The following HNRNPAB variants were observed in gnomAD, a reference collection of about 807,000 sequenced individuals.
The protein encoded by HNRNPAB is ABBP-1.
A neutral mutation model predicts 44.1 loss-of-function variants in HNRNPAB; 17 were observed. The observed-to-expected ratio is 0.39, with a 90% CI of 0.26 to 0.58. The LOEUF (loss-of-function observed/expected upper bound fraction) is 0.58, where lower values mean the gene tolerates loss of function less well. Ranked by LOEUF, HNRNPAB falls within the 20% of genes least tolerant of loss-of-function variation. HNRNPAB has a pLI of 0.63. For synonymous variants in HNRNPAB, 183 were observed against 167.6 expected, an observed-to-expected ratio of 1.09 and a Z score of -0.71; for missense variants, 393 against 432.7, an observed-to-expected ratio of 0.91 and a Z score of 0.81.
In HNRNPAB at chr5:178,209,388, G is replaced by C. The variant is rs140970268; in HGVS notation, c.728G>C (p.Gly243Ala). Reference sequence around the variant, plus strand: ...TATCAGCAGCAGCAGTATGGCTCTGGGGGCCGTGGAAACCGCAACCGAGGG... The same window carrying C: ...TATCAGCAGCAGCAGTATGGCTCTGCGGGCCGTGGAAACCGCAACCGAGGG... Reference protein sequence around the residue: ...EVYQQQQYGSGGRGNRNRGNR... With the variant: ...EVYQQQQYGSAGRGNRNRGNR... The change falls in exon 6 of 8, where the codon GGG (glycine) becomes GCG (alanine). Residue 243 changes from glycine (G) to alanine (A), a missense_variant. Physicochemically the swap from Gly to Ala is moderately conservative, Grantham distance 60 (BLOSUM62 0). Transcript: ENST00000358344. The C allele has an allele frequency of 2.5e-6, 4 of 1,614,096 alleles. No individual in the cohort carries two copies. In the African/African-American group the frequency reaches 5.3e-5, roughly 22 times the overall value.
rs1487224010 is a variant in HNRNPAB at position 178,210,701 on chromosome 5, T to C, written c.*78T>C. On this transcript the variant is annotated 3_prime_UTR_variant, in exon 8 of 8. Coordinates refer to ENST00000358344, the MANE Select transcript of HNRNPAB (RefSeq NM_031266.3). ...AGTGAACACAATTATGTACCAAATT[T>C]AACTTGGCAAACTTTCTATTGCCTG... 1 of 1,166,958 alleles carries C rather than the reference T, an allele frequency of 8.6e-7. No individual in the cohort carries two copies. Among genetic ancestry groups the C allele is most frequent in the African/African-American group, 1.5e-5 (1 of 66,020 alleles). 72.3% of individuals were successfully genotyped at this position (1,166,958 alleles called of 1,614,324 possible). A position where few individuals can be genotyped will look rare whatever the true frequency, so the allele number is the denominator to read the frequency against.
In HNRNPAB at chr5:178,204,813, AG is replaced by A. The variant is rs1581155221; in HGVS notation, c.-23del. Reference sequence around the variant, plus strand: ...CTGACGCGCTGTCGCCGCTGGTTGCAGGAGCCGCCGCGCCTCGGCCTAGCAT... The same window carrying A: ...CTGACGCGCTGTCGCCGCTGGTTGCAGAGCCGCCGCGCCTCGGCCTAGCAT... On this transcript the variant is annotated splice_acceptor_variant, in intron 1 of 7. Transcript: ENST00000358344. LOFTEE classifies it low-confidence loss of function (5UTR_SPLICE). The A allele has an allele frequency of 1.2e-5, 15 of 1,209,240 alleles. No homozygotes were observed. In the East Asian group the frequency reaches 5.1e-4, roughly 41 times the overall value. The allele number at this position is 1,209,240 out of a possible 1,614,324, so 74.9% of individuals were successfully genotyped here. A position where few individuals can be genotyped will look rare whatever the true frequency, so the allele number is the denominator to read the frequency against.
intron 6 of HNRNPAB, among the ~76,000 whole-genome samples, 189 bp from the exon 7 acceptor site, chr5:178,209,943 T>C (rs1165822371): frequency 2.6e-5 from 4 of 151,800 alleles, no homozygotes; most frequent in Non-Finnish European, 5.9e-5. Context: ...TCCTGGTCTC[T>C]GATCCTCTGC....
chr5:178,210,507 GC>G, intron 7 of HNRNPAB, 45 bp from the exon 8 acceptor site: 1 of 1,582,332 alleles, frequency 6.3e-7, no homozygotes, highest in Non-Finnish European at 8.7e-7. Context: ...GTGGCACAGG[GC>G]AAATGCTTGT....
chr5:178,206,416 C>T (rs943980367), intron 3 of HNRNPAB, among the ~76,000 whole-genome samples: 2 of 152,156 alleles, frequency 1.3e-5, no homozygotes, highest in Middle Eastern at 3.2e-3. Flanking sequence ...GGGAGGATTC[C>T]TTCCCCTGTG....
intron 6 of HNRNPAB, 147 bp from the exon 7 acceptor site, chr5:178,209,985 G>A: frequency 9.7e-7 from 1 of 1,033,850 alleles, no homozygotes; most frequent in African/African-American, 2.4e-5. Flanking sequence ...TTGGGCCCAG[G>A]GCCCTTATAC....
In HNRNPAB at chr5:178,207,290, G is replaced by T. The variant is rs1757109896; in HGVS notation, c.669+65G>T. On this transcript the variant is annotated intron_variant, in intron 5 of 7. Coordinates refer to ENST00000358344, the MANE Select transcript of HNRNPAB (RefSeq NM_031266.3). ...GGAGAGCTGGCCCTTAGAGGGATGG[G>T]TTAGGGGTTGGGCCTCATGCAGGAG... 3.1e-6 allele frequency: 5 copies of T among 1,588,856 alleles called. No homozygotes were observed. In the South Asian group the frequency reaches 5.7e-5, roughly 18 times the overall value.
At chr5:178,207,291 T>A (rs1757110026) in intron 5 of HNRNPAB, 66 bp downstream of exon 5, 1 of 1,588,462 alleles carries the variant, frequency 6.3e-7, no homozygotes, top group South Asian at 1.1e-5. Flanking sequence ...GAGGGATGGG[T>A]TAGGGGTTGG....
chr5:178,207,045 C>T, intron 4 of HNRNPAB, 49 bp from the exon 5 acceptor site: 2 of 1,608,952 alleles, frequency 1.2e-6, no homozygotes, highest in Non-Finnish European at 1.7e-6. Context: ...CCCCTATATG[C>T]TCTGGGGTAG....
chr5:178,206,989 T>G (rs960585471), intron 4 of HNRNPAB, 99 bp downstream of exon 4: 5 of 1,585,726 alleles, frequency 3.2e-6, no homozygotes, highest in Non-Finnish European at 4.3e-6. Context: ...CAGGCAGGGC[T>G]TATTTTTCAC....
intron 5 of HNRNPAB, among the ~76,000 whole-genome samples, chr5:178,207,868 CAT>C (rs1195259275): frequency 6.6e-6 from 1 of 151,920 alleles, no homozygotes; most frequent in Non-Finnish European, 1.5e-5. Context: ...ATGCCTGGCT[CAT>C]ATGTTTTTTT....
rs1356230001 is a variant in HNRNPAB at position 178,207,172 on chromosome 5, G to C, written c.616G>C (p.Glu206Gln). The change falls in exon 5 of 8, where the codon GAA becomes CAA. Residue 206 changes from glutamate to glutamine, a missense_variant. Transcript: ENST00000358344. Reference protein sequence around the residue: ...GFVFITFKEEEPVKKVLEKKF... With the variant: ...GFVFITFKEEQPVKKVLEKKF... ...TGTGTTTATCACCTTTAAAGAAGAA[G>C]AACCCGTGAAGAAGGTTCTGGAGAA... is the stretch of plus-strand genomic sequence containing the variant. 9 of 1,614,168 alleles carry C rather than the reference G, an allele frequency of 5.6e-6. No homozygotes were observed. The highest frequency in any genetic ancestry group is 1.6e-4 in the Middle Eastern group (1 of 6,062).
At chr5:178,209,128 A>T (rs1292184644) in intron 5 of HNRNPAB, among the ~76,000 whole-genome samples, 1 of 152,140 alleles carries the variant, frequency 6.6e-6, no homozygotes, top group African/African-American at 2.4e-5. Flanking sequence ...ATTCTGTCGG[A>T]AGGGTTCTCT....
rs1457319686 is a variant in HNRNPAB at position 178,204,925 on chromosome 5, G to C, written c.88G>C (p.Ala30Pro). 6.6e-6 allele frequency: 8 copies of C among 1,210,684 alleles called. No homozygotes were observed. Among genetic ancestry groups the C allele is most frequent in the Admixed American group, 8.7e-5 (2 of 22,924 alleles). 75.0% of individuals were successfully genotyped at this position (1,210,684 alleles called of 1,614,324 possible). ...HEAVPEGESP[A>P]GAGTGAAAGA... ...GGCCGTCCCCGAAGGCGAGTCGCCG[G>C]CCGGGGCTGGCACGGGCGCCGCGGC... The change falls in exon 2 of 8, where the codon GCC becomes CCC. Residue 30 changes from alanine (A) to proline (P), a missense_variant. Physicochemically the swap from Ala to Pro is conservative, Grantham distance 27. Coordinates refer to ENST00000358344, the MANE Select transcript of HNRNPAB (RefSeq NM_031266.3).
chr5:178,210,123 C>T lies in HNRNPAB; in HGVS notation c.788-9C>T. The T allele has an allele frequency of 1.9e-6, 3 of 1,613,896 alleles. No individual in the cohort carries two copies. The highest frequency in any genetic ancestry group is 2.5e-6 in the Non-Finnish European group (3 of 1,179,922). On this transcript the variant is annotated splice_polypyrimidine_tract_variant and intron_variant, in intron 6 of 7. Transcript: ENST00000358344. Reference sequence around the variant, plus strand: ...GTCCACGGGCCCCTGTGCCCTGCTCCCCCCACAGGTCAGAGTCAGAGTTGG... The same window carrying T: ...GTCCACGGGCCCCTGTGCCCTGCTCTCCCCACAGGTCAGAGTCAGAGTTGG...
At chr5:178,209,940 C>T (rs994326711) in intron 6 of HNRNPAB, among the ~76,000 whole-genome samples, 192 bp from the exon 7 acceptor site, 2 of 151,888 alleles carry the variant, frequency 1.3e-5, no homozygotes, top group African/African-American at 4.8e-5. Flanking sequence ...GCATCCTGGT[C>T]TCTGATCCTC....
rs1407752601 is a variant in HNRNPAB, at chr5:178,205,586, A to G, written c.210-256A>G. 3 of 420,882 alleles carry G rather than the reference A, an allele frequency of 7.1e-6. No individual in the cohort carries two copies. In the East Asian group the frequency reaches 1.2e-4, roughly 16 times the overall value. 26.1% of individuals were successfully genotyped at this position (420,882 alleles called of 1,614,324 possible). Reference sequence around the variant, plus strand: ...CATGAATTTCCAGTTATGAGTGGTTAGGTCCCATACCCCTGGTGAGGTGGT... The same window carrying G: ...CATGAATTTCCAGTTATGAGTGGTTGGGTCCCATACCCCTGGTGAGGTGGT... On this transcript the variant is annotated intron_variant, in intron 2 of 7. Coordinates refer to ENST00000358344, the MANE Select transcript of HNRNPAB (RefSeq NM_031266.3).
Position 178,210,907 on chromosome 5 carries a change from T to C in HNRNPAB, c.*284T>C. The C allele has an allele frequency of 2.0e-6, 1 of 493,904 alleles. No individual in the cohort carries two copies. The highest frequency in any genetic ancestry group is 2.5e-5 in the South Asian group (1 of 40,816). The allele number at this position is 493,904 out of a possible 1,614,324, so 30.6% of individuals were successfully genotyped here. A position where few individuals can be genotyped will look rare whatever the true frequency, so the allele number is the denominator to read the frequency against. On this transcript the variant is annotated 3_prime_UTR_variant, in exon 8 of 8. Transcript: ENST00000358344. ...GAGGCTCTGCTTCCTGCTGCCGCTC[T>C]GCAGCCTGGACCTGTGGACCCTGGT...
At position 178,209,424 on chromosome 5, in the gene HNRNPAB, G is replaced by A. The variant is rs371554188; in HGVS notation, c.764G>A (p.Ser255Asn). The A allele has an allele frequency of 1.9e-6, 3 of 1,614,186 alleles. No homozygotes were observed. The highest frequency in any genetic ancestry group is 2.5e-6 in the Non-Finnish European group (3 of 1,180,016). Residue 255 changes from serine (S) to asparagine (N), a missense_variant, in exon 6 of 8, where the codon AGC becomes AAC. By Grantham distance (46) the Ser-to-Asn change is conservative (BLOSUM62 1). Coordinates refer to ENST00000358344, the MANE Select transcript of HNRNPAB (RefSeq NM_031266.3). Reference sequence around the variant, plus strand: ...AACCGCAACCGAGGGAACCGAGGCAGCGGAGGTGGTGGTGGAGGTGGAGGT... The same window carrying A: ...AACCGCAACCGAGGGAACCGAGGCAACGGAGGTGGTGGTGGAGGTGGAGGT... ...RGNRNRGNRG[S>N]GGGGGGGGQS...
Sources: allele counts gnomAD v4.1 joint callset (sites outside exome capture counted in the v4.1 genomes callset), GRCh38; gene constraint gnomAD v4.1.1; transcripts MANE v1.5; gene names NCBI Gene and HGNC (gene_info 2026-07-23, HGNC 2026-07-21).